The following EEF2 variants were observed in gnomAD, a reference collection of about 807,000 sequenced individuals.
EEF2 encodes the protein eukaryotic translation elongation factor 2, also known as elongation factor 2.
Under a neutral mutation model 85.3 loss-of-function variants are expected in EEF2, and 21 were observed. That is an observed-to-expected ratio of 0.25 (90% CI 0.17 to 0.35). EEF2 has a LOEUF of 0.35. EEF2 is among the 10% of genes least tolerant of loss of function. The probability of loss-of-function intolerance (pLI) is 1.00; values close to 1 mark genes in which losing one functional copy is unlikely to be tolerated. For missense variants in EEF2, 825 were observed against 1,225.3 expected (o/e 0.67, Z 4.88); for synonymous variants, 723 against 508.8 (o/e 1.42, Z -5.67).
chr19:3,979,519 G>A (rs1275220453), intron 10 of EEF2, 83 bp from the exon 11 acceptor site: 2 of 1,212,698 alleles, frequency 1.6e-6, no homozygotes, highest in Non-Finnish European at 2.3e-6. Flanking sequence ...TTTAGCTAGG[G>A]ACCCCGCCAG....
In EEF2 at chr19:3,976,453, G is replaced by T; in HGVS notation, c.*101C>A. On this transcript the variant is annotated 3_prime_UTR_variant, in exon 15 of 15. Transcript: ENST00000309311. ...CCCAGAAACCTCTCAGGGGAGCGTC[G>T]CTGTGTCGGGACAGTCTCCAGGTGT... 2 of 1,375,332 alleles carry T rather than the reference G, an allele frequency of 1.5e-6. No homozygotes were observed. Among genetic ancestry groups the T allele is most frequent in the Non-Finnish European group, 2.0e-6 (2 of 1,011,914 alleles). The allele number at this position is 1,375,332 out of a possible 1,614,324, so 85.2% of individuals were successfully genotyped here.
rs780410239 is a variant in EEF2, at chr19:3,977,589, T to C, written c.2089A>G (p.Met697Val). The change falls in exon 13 of 15, where the codon ATG (methionine) becomes GTG (valine). Residue 697 changes from methionine to valine, a missense_variant. Transcript: ENST00000309311. The surrounding 1 kb of genome is among the most constrained non-coding windows in gnomAD (Gnocchi z 5.4). ...TKEGALCEEN[M>V]RGVRFDVHDV... is the part of the protein sequence containing the mutation. ...TGGACGTCGAAGCGCACACCCCGCA[T>C]GTTCTCCTCACACAGTGCGCCCTGG... 8 of 1,547,982 alleles carry C rather than the reference T, an allele frequency of 5.2e-6. No homozygotes were observed. Among genetic ancestry groups the C allele is most frequent in the Middle Eastern group, 1.8e-4 (1 of 5,686 alleles).
Position 3,983,732 on chromosome 19 carries a change from C to G in EEF2, c.218+404G>C, listed in dbSNP as rs2039784612. On this transcript the variant is annotated intron_variant, in intron 2 of 14. Transcript: ENST00000309311. ...AAAAAGCAGTTGGGGTCACCGTACT[C>G]TGCGCTCCCCCTACTCATATCGGGG... 9.7e-6 allele frequency: 3 copies of G among 307,774 alleles called. No homozygotes were observed. In the South Asian group the frequency reaches 1.1e-4, roughly 12 times the overall value. 19.1% of individuals were successfully genotyped at this position (307,774 alleles called of 1,614,324 possible). A position where few individuals can be genotyped will look rare whatever the true frequency, so the allele number is the denominator to read the frequency against.
intron 11 of EEF2, among the ~76,000 whole-genome samples, chr19:3,978,549 T>G (rs1296887245): frequency 6.6e-6 from 1 of 152,100 alleles, no homozygotes; most frequent in Non-Finnish European, 1.5e-5. Context: ...CTCACGCCTG[T>G]AATCCCAGCA....
intron 10 of EEF2, 92 bp downstream of exon 10, chr19:3,979,716 C>A: frequency 6.5e-7 from 1 of 1,531,390 alleles, no homozygotes. Flanking sequence ...CACCCCAATC[C>A]ACCAACCACA....
rs1235631633 is a variant in EEF2, at chr19:3,980,875, C to T, written c.1116G>A (p.Leu372=). Residue 372 remains leucine, a synonymous_variant, in exon 8 of 15, where the codon CTG becomes CTA. Transcript: ENST00000309311. The stretch of plus-strand genomic sequence containing the variant: ...CCTCGTCGTCCGGGGGCCCCTCGTA[C>T]AGGAGCTCGCAGCGGTACTTCTGGG... The part of the protein sequence containing the change: ...VTAQKYRCEL[L]YEGPPDDEAA... The T allele has an allele frequency of 6.4e-7, 1 of 1,562,442 alleles. No homozygotes were observed. Among genetic ancestry groups the T allele is most frequent in the African/African-American group, 1.4e-5 (1 of 73,674 alleles).
intron 4 of EEF2, 140 bp downstream of exon 4, chr19:3,982,667 A>C: frequency 8.6e-6 from 10 of 1,157,306 alleles, no homozygotes; most frequent in Non-Finnish European, 1.1e-5. Context: ...GTCGGATGAA[A>C]ACATTCCAGC....
At position 3,982,383 on chromosome 19, in the gene EEF2, G is replaced by A. The variant is rs371998968; in HGVS notation, c.654C>T (p.Leu218=). 14 of 1,614,140 alleles carry A rather than the reference G, an allele frequency of 8.7e-6. No individual in the cohort carries two copies. The highest frequency in any genetic ancestry group is 3.3e-4 in the Middle Eastern group (2 of 6,062). ...VLGTVGFGSG[L]HGWAFTLKQF... ...GCTTCAGGGTGAAGGCCCACCCGTG[G>A]AGGCCAGACCCAAAGCCCACGGTAC... Residue 218 remains leucine (L), a synonymous_variant, in exon 5 of 15, where the codon CTC becomes CTT. Coordinates refer to ENST00000309311, the MANE Select transcript of EEF2 (RefSeq NM_001961.4).
In EEF2 at chr19:3,984,177, G is replaced by A; in HGVS notation, c.177C>T (p.Thr59=). The A allele has an allele frequency of 6.2e-7, 1 of 1,614,050 alleles. No homozygotes were observed. The highest frequency in any genetic ancestry group is 8.5e-7 in the Non-Finnish European group (1 of 1,180,008). Reference sequence around the variant, plus strand: ...TGCAACGCTCCTGCTCGTCCTTCCGGGTATCAGTGAAGCGTGTCTCCCCGG... The same window carrying A: ...TGCAACGCTCCTGCTCGTCCTTCCGAGTATCAGTGAAGCGTGTCTCCCCGG... ...ARAGETRFTD[T]RKDEQERCIT... Residue 59 remains threonine, a synonymous_variant, in exon 2 of 15, where the codon ACC becomes ACT. Transcript: ENST00000309311.
At chr19:3,984,994 C>A in intron 1 of EEF2, 1 of 273,208 alleles carries the variant, frequency 3.7e-6, no homozygotes, top group East Asian at 6.2e-5. Flanking sequence ...TTCCCTGCCG[C>A]CCCTAGTCCC....
chr19:3,983,029 G>C lies in EEF2; in HGVS notation c.401-11C>G. ...TCTGCACGCACACGCCTGGGGACAC[G>C]GGGGACAGGGCGGCGCTGTCATCCT... On this transcript the variant is annotated splice_polypyrimidine_tract_variant and intron_variant, in intron 3 of 14. Transcript: ENST00000309311. 2 of 1,612,682 alleles carry C rather than the reference G, an allele frequency of 1.2e-6. No individual in the cohort carries two copies. The highest frequency in any genetic ancestry group is 1.7e-6 in the Non-Finnish European group (2 of 1,179,780).
Position 3,977,764 on chromosome 19 carries a change from G to A in EEF2, c.2067+55C>T, listed in dbSNP as rs74995777. 24,794 of 1,508,058 alleles carry A rather than the reference G, an allele frequency of 0.016. 247 individuals carry two copies. Among genetic ancestry groups the A allele is most frequent in the Non-Finnish European group, 0.019 (21,501 of 1,128,766 alleles). 93.4% of individuals were successfully genotyped at this position (1,508,058 alleles called of 1,614,324 possible). A position where few individuals can be genotyped will look rare whatever the true frequency, so the allele number is the denominator to read the frequency against. ...CTGTCTCGGGAGGCAGGACCATGAG[G>A]TCCCTCTAGAGCCTGGAAACGGGTG... On this transcript the variant is annotated intron_variant, in intron 12 of 14. Transcript: ENST00000309311. The surrounding 1 kb of genome is among the most constrained non-coding windows in gnomAD (Gnocchi z 5.4).
At chr19:3,979,265 G>T in intron 11 of EEF2, 64 bp downstream of exon 11, 2 of 1,341,414 alleles carry the variant, frequency 1.5e-6, no homozygotes, top group Non-Finnish European at 2.1e-6. Context: ...GCTCAGCTCA[G>T]CTTTAAAGCA....
At chr19:3,984,376 C>T in intron 1 of EEF2, 26 bp from the exon 2 acceptor site, 1 of 1,608,038 alleles carries the variant, frequency 6.2e-7, no homozygotes, top group South Asian at 1.1e-5. Flanking sequence ...AGGCTCAGAC[C>T]AGCTCGTGAT....
chr19:3,982,996 T>G lies in EEF2; in HGVS notation c.423A>C (p.Thr141=), dbSNP rs748066743. The G allele has an allele frequency of 1.4e-5, 22 of 1,612,644 alleles. No individual in the cohort carries two copies. Among genetic ancestry groups the G allele is most frequent in the Non-Finnish European group, 1.6e-5 (19 of 1,179,982 alleles). Residue 141 remains threonine, a synonymous_variant, in exon 4 of 15, where the codon ACA becomes ACC. Coordinates refer to ENST00000309311, the MANE Select transcript of EEF2 (RefSeq NM_001961.4). ...CVSGVCVQTE[T]VLRQAIAERI... ...GCTCGGCAATGGCCTGCCGCAGCAC[T>G]GTCTCCGTCTGCACGCACACGCCTG...
rs1214108157 is a variant in EEF2, at chr19:3,977,462, C to T, written c.2216G>A (p.Arg739His). ...LYASVLTAQP[R>H]LMEPIYLVEI... ...CACAAGGTAGATGGGCTCCATGAGG[C>T]GTGGCTGGGCGGTCAGCACACTGGC... The change falls in exon 13 of 15, where the codon CGC becomes CAC. Residue 739 changes from arginine to histidine, a missense_variant. Transcript: ENST00000309311. The surrounding 1 kb of genome is among the most constrained non-coding windows in gnomAD (Gnocchi z 5.4). 5 of 1,580,148 alleles carry T rather than the reference C, an allele frequency of 3.2e-6. No individual in the cohort carries two copies. The highest frequency in any genetic ancestry group is 2.7e-5 in the African/African-American group (2 of 74,516).
intron 6 of EEF2, among the ~76,000 whole-genome samples, 193 bp downstream of exon 6, chr19:3,981,754 G>A (rs977870035): frequency 6.6e-6 from 1 of 152,248 alleles, no homozygotes; most frequent in Non-Finnish European, 1.5e-5. Flanking sequence ...GAGGTCCCAA[G>A]GCTCTGGCTA....
chr19:3,980,860 C>CG lies in EEF2; in HGVS notation c.1130dup (p.Asp378GlyfsTer9). ...ACGTACCCATGGCAGCCTCGTCGTC[C>CG]GGGGGCCCCTCGTACAGGAGCTCGC... On this transcript the variant is annotated frameshift_variant, in exon 8 of 15. Coordinates refer to ENST00000309311, the MANE Select transcript of EEF2 (RefSeq NM_001961.4). LOFTEE classifies it high-confidence loss of function. 6.4e-7 allele frequency: 1 copy of CG among 1,564,524 alleles called. No homozygotes were observed. The highest frequency in any genetic ancestry group is 8.6e-7 in the Non-Finnish European group (1 of 1,156,084).
rs1443770934 is a variant in EEF2, at chr19:3,981,515, G to A, written c.898-63C>T. The A allele has an allele frequency of 6.1e-6, 9 of 1,478,232 alleles. No individual in the cohort carries two copies. In the East Asian group the frequency reaches 6.8e-5, roughly 11 times the overall value. 91.6% of individuals were successfully genotyped at this position (1,478,232 alleles called of 1,614,324 possible). A position where few individuals can be genotyped will look rare whatever the true frequency, so the allele number is the denominator to read the frequency against. On this transcript the variant is annotated intron_variant, in intron 6 of 14. Coordinates refer to ENST00000309311, the MANE Select transcript of EEF2 (RefSeq NM_001961.4). ...GAACAGCAGGAGGAAGCCTGGCACT[G>A]CTTCCTGCTTGGAAGACTCAGGTCA...
Sources: gnomAD v4.1 joint callset for allele counts (sites outside exome capture counted in the v4.1 genomes callset) on GRCh38, gnomAD v4.1.1 for gene constraint, Gnocchi (gnomAD v3.1) non-coding constraint, MANE v1.5 for transcripts, NCBI Gene and HGNC (gene_info 2026-07-23, HGNC 2026-07-21) for gene names.